The following SMARCA2 variants were observed in gnomAD, a reference collection of about 807,000 sequenced individuals.
SMARCA2 encodes the protein SWI/SNF related BAF chromatin remodeling complex subunit ATPase 2, also known as SWI/SNF-related matrix-associated actin-dependent regulator of chromatin subfamily A member 2.
In SMARCA2, 61 loss-of-function variants were observed where a neutral mutation model predicts 199.8. The observed-to-expected ratio is 0.31, with a 90% confidence interval of 0.25 to 0.38. The LOEUF (loss-of-function observed/expected upper bound fraction) is 0.38. SMARCA2 is among the 10% of genes least tolerant of loss of function. The pLI is 1.00. For missense variants in SMARCA2, 1,344 were observed against 2,012.2 expected, an observed-to-expected ratio of 0.67 and a Z score of 6.35; for synonymous variants, 935 against 732.0, an observed-to-expected ratio of 1.28 and a Z score of -4.48.
intron 21 of SMARCA2, among the ~76,000 whole-genome samples, chr9:2,098,467 G>C (rs1046960110): frequency 6.6e-6 from 1 of 152,156 alleles, no homozygotes; most frequent in Admixed American, 6.5e-5. Flanking sequence ...TCCTAGCTGT[G>C]CTGGATAATT....
intron 29 of SMARCA2, among the ~76,000 whole-genome samples, chr9:2,172,054 G>A (rs981520432): frequency 6.6e-6 from 1 of 152,120 alleles, no homozygotes; most frequent in Non-Finnish European, 1.5e-5. Flanking sequence ...TGCTTCCTCA[G>A]GGCTCTCTGG....
chr9:2,131,999 A>T (rs1225885636), intron 27 of SMARCA2, among the ~76,000 whole-genome samples: 1 of 152,164 alleles, frequency 6.6e-6, no homozygotes, highest in Non-Finnish European at 1.5e-5. Context: ...TCAGTAAGGT[A>T]AAATGTGATA....
At chr9:2,029,316 AT>A (rs1372463321) in intron 2 of SMARCA2, 69 bp downstream of exon 2, 1 of 1,548,628 alleles carries the variant, frequency 6.5e-7, no homozygotes, top group Non-Finnish European at 8.7e-7. Flanking sequence ...TGATAACCCC[AT>A]CCCCCTTTCT....
intron 4 of SMARCA2, chr9:2,041,448 C>G: frequency 2.5e-6 from 1 of 398,550 alleles, no homozygotes; most frequent in Non-Finnish European, 4.4e-6. Context: ...GCAGAAGAGA[C>G]AAGGCAGCTC....
intron 32 of SMARCA2, among the ~76,000 whole-genome samples, chr9:2,188,935 C>G (rs1216201744): frequency 6.6e-6 from 1 of 152,214 alleles, no homozygotes. Flanking sequence ...CCTCCCCACC[C>G]CTACCCCTTG....
At chr9:2,073,504 T>C (rs981709672) in intron 11 of SMARCA2, 62 bp from the exon 12 acceptor site, 1 of 1,483,344 alleles carries the variant, frequency 6.7e-7, no homozygotes, top group African/African-American at 1.4e-5. Context: ...GTCATGTGTG[T>C]CTTTATTGTA....
At chr9:2,118,450 A>T (rs1473605617) in intron 25 of SMARCA2, among the ~76,000 whole-genome samples, 1 of 152,086 alleles carries the variant, frequency 6.6e-6, no homozygotes, top group African/African-American at 2.4e-5. Context: ...AGCCGCTAGT[A>T]CACTCATACT....
In SMARCA2 at chr9:2,033,013, G is replaced by A; in HGVS notation, c.287G>A (p.Gly96Asp). Residue 96 changes from glycine to aspartate, a missense_variant, in exon 3 of 34, where the codon GGC (glycine) becomes GAC (aspartate). Gly to Asp is a moderately conservative substitution (Grantham distance 94). Coordinates refer to ENST00000349721, the MANE Select transcript of SMARCA2 (RefSeq NM_003070.5). ...GACATCCATTGTGGATCCATGAAGG[G>A]CACTGGTATGCGACCACCTCACCCA... ...VEDIHCGSMK[G>D]TGMRPPHPGM... The A allele has an allele frequency of 8.1e-6, 13 of 1,613,920 alleles. No homozygotes were observed. Among genetic ancestry groups the A allele is most frequent in the Non-Finnish European group, 8.5e-6 (10 of 1,179,804 alleles).
chr9:2,032,813 A>G, intron 2 of SMARCA2, 139 bp from the exon 3 acceptor site: 1 of 639,240 alleles, frequency 1.6e-6, no homozygotes, highest in Non-Finnish European at 2.6e-6. Context: ...CTTTTGGTCT[A>G]GTCTCTTTTT....
chr9:2,138,615 G>C (rs1268514168), intron 27 of SMARCA2, among the ~76,000 whole-genome samples: 1 of 152,160 alleles, frequency 6.6e-6, no homozygotes, highest in Non-Finnish European at 1.5e-5. Flanking sequence ...ACTTATGAAA[G>C]ATGGGCTCAG....
At chr9:2,059,806 G>A (rs1820506526) in intron 8 of SMARCA2, among the ~76,000 whole-genome samples, 1 of 152,110 alleles carries the variant, frequency 6.6e-6, no homozygotes, top group South Asian at 2.1e-4. Context: ...CTGGACAAAA[G>A]ATCCCAAGTT....
chr9:2,168,498 G>T (rs990006342), intron 28 of SMARCA2, among the ~76,000 whole-genome samples: 1 of 152,118 alleles, frequency 6.6e-6, no homozygotes, highest in African/African-American at 2.4e-5. Context: ...GAAGGGCAGG[G>T]CTCTTATTTC....
chr9:2,166,079 G>A lies in SMARCA2; in HGVS notation c.4199+4176G>A, dbSNP rs189964791. 1.8e-4 allele frequency among the ~76,000 whole-genome samples: 27 copies of A among 152,280 alleles called. No individual in the cohort carries two copies. The East Asian group carries it at 4.6e-3, about 26-fold the overall frequency. Reference sequence around the variant, plus strand: ...TGACCCCTAGCTATTTGTTCTACTTGGAACCTCAGAGAATAAATCTGCTCT... The same window carrying A: ...TGACCCCTAGCTATTTGTTCTACTTAGAACCTCAGAGAATAAATCTGCTCT... On this transcript the variant is annotated intron_variant, in intron 28 of 33. Coordinates refer to ENST00000349721, the MANE Select transcript of SMARCA2 (RefSeq NM_003070.5).
At chr9:2,087,211 G>A in intron 18 of SMARCA2, 140 bp downstream of exon 18, 1 of 1,006,104 alleles carries the variant, frequency 9.9e-7, no homozygotes, top group Non-Finnish European at 1.5e-6. Context: ...ATCGGTGGGT[G>A]GACATGGTCT....
intron 27 of SMARCA2, among the ~76,000 whole-genome samples, chr9:2,136,706 T>C (rs557116886): frequency 6.6e-6 from 1 of 152,244 alleles, no homozygotes; most frequent in South Asian, 2.1e-4. Context: ...AGACTATTAA[T>C]AGAGGTAATA....
At chr9:2,158,570 T>G (rs1225834457) in intron 27 of SMARCA2, 1 of 176,214 alleles carries the variant, frequency 5.7e-6, no homozygotes, top group Non-Finnish European at 1.2e-5. Flanking sequence ...TTCTGTGATT[T>G]ATTTCATTAT....
At chr9:2,126,976 T>C (rs1823724656) in intron 27 of SMARCA2, among the ~76,000 whole-genome samples, 1 of 152,208 alleles carries the variant, frequency 6.6e-6, no homozygotes, top group African/African-American at 2.4e-5. Flanking sequence ...AATATTTTTT[T>C]CTGTCTTTAG....
chr9:2,105,341 G>C (rs1261236645), intron 23 of SMARCA2, among the ~76,000 whole-genome samples: 1 of 151,924 alleles, frequency 6.6e-6, no homozygotes, highest in African/African-American at 2.4e-5. Flanking sequence ...TGCCACCCGG[G>C]TTCAGGTGAT....
chr9:2,147,572 G>A (rs115067465), intron 27 of SMARCA2, among the ~76,000 whole-genome samples: 3,052 of 152,258 alleles, frequency 0.02, 101 homozygotes, highest in African/African-American at 0.069. Flanking sequence ...TGTTCTGGGC[G>A]TGGTGGCTCA....
Sources: gnomAD v4.1 joint callset for allele counts (sites outside exome capture counted in the v4.1 genomes callset) on GRCh38, gnomAD v4.1.1 for gene constraint, MANE v1.5 for transcripts, NCBI Gene and HGNC (gene_info 2026-07-23, HGNC 2026-07-21) for gene names.